PTK2: variants seen among roughly 807,000 people sequenced by gnomAD.
PTK2 encodes protein tyrosine kinase 2.
PTK2 carries 45 observed loss-of-function variants against 150.1 expected under a neutral mutation model. That is an observed-to-expected ratio of 0.30 (90% CI 0.24 to 0.38). PTK2 has a LOEUF of 0.38. PTK2 is among the 10% of genes least tolerant of loss of function. The pLI is 1.00. For synonymous variants in PTK2, 432 were observed against 449.2 expected (o/e 0.96, Z 0.48); for missense variants, 919 against 1,307.3 (o/e 0.70, Z 4.58).
At chr8:140,796,759 T>A (rs532526873) in intron 12 of PTK2, among the ~76,000 whole-genome samples, 86 of 151,904 alleles carry the variant, frequency 5.7e-4, no homozygotes, top group Non-Finnish European at 1.1e-3. Flanking sequence ...ATTCTGGGAG[T>A]TAATGTTTTT....
At chr8:140,788,909 CCCTTT>C (rs2100086630) in intron 14 of PTK2, among the ~76,000 whole-genome samples, 2 of 152,194 alleles carry the variant, frequency 1.3e-5, no homozygotes, top group South Asian at 4.2e-4. Flanking sequence ...CTCATCCTCC[CCCTTT>C]CCTTTATTTC....
At chr8:140,688,960 G>A (rs916762487) in intron 26 of PTK2, among the ~76,000 whole-genome samples, 3 of 152,172 alleles carry the variant, frequency 2.0e-5, no homozygotes, top group African/African-American at 7.2e-5. Context: ...TTTTTTACCA[G>A]AGAGGACTAT....
intron 1 of PTK2, among the ~76,000 whole-genome samples, chr8:140,976,775 A>G (rs563313767): frequency 1.3e-5 from 2 of 152,350 alleles, no homozygotes; most frequent in African/African-American, 2.4e-5. Context: ...TCTTTTTTTC[A>G]TAACTAAGGT....
At chr8:140,694,729 C>T (rs2100025426) in intron 26 of PTK2, among the ~76,000 whole-genome samples, 1 of 152,142 alleles carries the variant, frequency 6.6e-6, no homozygotes, top group East Asian at 1.9e-4. Flanking sequence ...CCATGGAAAC[C>T]AACAGTAATT....
At chr8:140,765,667 T>C (rs557397747) in intron 14 of PTK2, among the ~76,000 whole-genome samples, 197 of 152,294 alleles carry the variant, frequency 1.3e-3, no homozygotes, top group African/African-American at 4.5e-3. Context: ...ATTCTTTTAT[T>C]TCTGTATTCT....
intron 2 of PTK2, chr8:140,909,739 C>T (rs1433165502): frequency 6.6e-6 from 1 of 152,082 alleles, no homozygotes; most frequent in Non-Finnish European, 1.5e-5. Context: ...TTTTCTAAGG[C>T]CAAGAAAAGG....
intron 12 of PTK2, among the ~76,000 whole-genome samples, chr8:140,797,497 AATTTATGCCATGCTTAGAAGCATTC>A (rs2100092409): frequency 1.3e-5 from 2 of 152,284 alleles, no homozygotes; most frequent in East Asian, 3.9e-4. Flanking sequence ...TGTCTTCTGG[AATTTATGCCATGCTTAGAAGCATTC>A]ACTCCCTCCC....
intron 15 of PTK2, among the ~76,000 whole-genome samples, chr8:140,762,124 A>G (rs2100069742): frequency 1.3e-5 from 2 of 152,174 alleles, no homozygotes; most frequent in South Asian, 4.1e-4. Context: ...ACCAAGAGCC[A>G]AATATTTTTA....
chr8:140,810,487 T>C (rs939361117), intron 10 of PTK2, among the ~76,000 whole-genome samples: 1 of 152,172 alleles, frequency 6.6e-6, no homozygotes, highest in African/African-American at 2.4e-5. Context: ...TCATAGCCCC[T>C]GCAGTGGCTG....
At chr8:140,865,447 T>C (rs1255191224) in intron 4 of PTK2, among the ~76,000 whole-genome samples, 2 of 152,256 alleles carry the variant, frequency 1.3e-5, no homozygotes, top group Admixed American at 6.5e-5. Flanking sequence ...GTGTTCTTTA[T>C]ATATTCTAGA....
chr8:140,733,350 A>T (rs1422655825), intron 22 of PTK2, among the ~76,000 whole-genome samples: 2 of 152,224 alleles, frequency 1.3e-5, no homozygotes. Context: ...AACTATAGAC[A>T]GACAGAGGTA....
chr8:140,724,636 A>G (rs995770823), intron 22 of PTK2, among the ~76,000 whole-genome samples: 2 of 152,244 alleles, frequency 1.3e-5, no homozygotes, highest in Admixed American at 6.5e-5. Flanking sequence ...CAGAGAGAGA[A>G]CAGCAATAAA....
At chr8:141,000,378 G>C (rs969227590) in intron 1 of PTK2, among the ~76,000 whole-genome samples, 2 of 152,188 alleles carry the variant, frequency 1.3e-5, no homozygotes, top group Admixed American at 6.5e-5. Flanking sequence ...CTCGGGCACC[G>C]GCAGGCCGCT....
intron 7 of PTK2, among the ~76,000 whole-genome samples, chr8:140,838,916 G>T (rs2100120502): frequency 1.3e-5 from 2 of 151,442 alleles, no homozygotes; most frequent in Admixed American, 6.6e-5. Flanking sequence ...TGAGGCAGGA[G>T]AATGGTGTGA....
At chr8:140,674,824 G>A (rs1198935902) in intron 28 of PTK2, among the ~76,000 whole-genome samples, 4 of 151,448 alleles carry the variant, frequency 2.6e-5, no homozygotes, top group African/African-American at 7.3e-5. Context: ...GAGGCGGGCG[G>A]ATGCCTGACC....
intron 16 of PTK2, 132 bp from the exon 20 acceptor site, chr8:140,752,448 A>C: frequency 1.4e-6 from 1 of 698,900 alleles, no homozygotes; most frequent in Non-Finnish European, 2.4e-6. Context: ...CAAAATCTCA[A>C]GAATGAGAGG....
At chr8:140,907,845 G>C (rs567178715) in intron 2 of PTK2, among the ~76,000 whole-genome samples, 1 of 152,288 alleles carries the variant, frequency 6.6e-6, no homozygotes, top group South Asian at 2.1e-4. Flanking sequence ...CCAACCCGCT[G>C]CTGCCTCATC....
chr8:140,702,089 C>T (rs535775225), intron 25 of PTK2, among the ~76,000 whole-genome samples: 8 of 115,942 alleles, frequency 6.9e-5, no homozygotes, highest in Admixed American at 1.2e-4. Context: ...GATCGTGCCA[C>T]TGCACTCCAG....
At chr8:140,808,255 A>G (rs1049837358) in intron 10 of PTK2, among the ~76,000 whole-genome samples, 1 of 152,242 alleles carries the variant, frequency 6.6e-6, no homozygotes, top group African/African-American at 2.4e-5. Context: ...AAGATGGGAT[A>G]GAAGCCATTA....
Sources: allele counts gnomAD v4.1 joint callset (sites outside exome capture counted in the v4.1 genomes callset), GRCh38; gene constraint gnomAD v4.1.1; transcripts MANE v1.5; gene names NCBI Gene and HGNC (gene_info 2026-07-23, HGNC 2026-07-21).